The following ACAD11 variants were observed in gnomAD, a reference collection of about 807,000 sequenced individuals.
The protein encoded by ACAD11 is acyl-CoA dehydrogenase family member 11.
Under a neutral mutation model 102.2 loss-of-function variants are expected in ACAD11, and 83 were observed. The ratio of observed to expected loss-of-function variants is 0.81; its 90% confidence interval spans 0.68 to 0.97. The LOEUF (loss-of-function observed/expected upper bound fraction) is 0.97. ACAD11 is among the 50% of genes least tolerant of loss of function. ACAD11 has a pLI of 0.00. For missense variants in ACAD11, 901 were observed against 951.7 expected (o/e 0.95, Z 0.70); for synonymous variants, 324 against 319.8 (o/e 1.01, Z -0.14).
chr3:132,646,200 G>A (rs963468719), intron 1 of ACAD11, among the ~76,000 whole-genome samples: 1 of 152,276 alleles, frequency 6.6e-6, no homozygotes, highest in South Asian at 2.1e-4. Context: ...TCTTGACCTC[G>A]TGATCCGCCC....
At chr3:132,652,337 T>G (rs1183180438) in intron 1 of ACAD11, among the ~76,000 whole-genome samples, 1 of 152,220 alleles carries the variant, frequency 6.6e-6, no homozygotes, top group Non-Finnish European at 1.5e-5. Flanking sequence ...TCCCCAGCCA[T>G]GTGGAACTGT....
chr3:132,653,530 T>C (rs1375333898), intron 1 of ACAD11, among the ~76,000 whole-genome samples: 1 of 152,212 alleles, frequency 6.6e-6, no homozygotes, highest in Non-Finnish European at 1.5e-5. Flanking sequence ...TCTTCTAGAT[T>C]ACTGTCATCA....
chr3:132,631,952 T>C (rs1350125876), intron 5 of ACAD11, among the ~76,000 whole-genome samples: 3 of 152,360 alleles, frequency 2.0e-5, no homozygotes, highest in Non-Finnish European at 4.4e-5. Flanking sequence ...TAAAAGATAC[T>C]GTTAGTTTTA....
intron 1 of ACAD11, chr3:132,647,494 G>A (rs1162775986): frequency 6.6e-6 from 1 of 152,170 alleles, no homozygotes; most frequent in Non-Finnish European, 1.5e-5. Flanking sequence ...ACTTTAAACA[G>A]ACAATCTCAC....
At chr3:132,578,995 G>A in intron 14 of ACAD11, 114 bp from the exon 15 acceptor site, 1 of 1,539,074 alleles carries the variant, frequency 6.5e-7, no homozygotes, top group Non-Finnish European at 8.8e-7. Flanking sequence ...TGTAAGCAGT[G>A]ATGACTGGAA....
Position 132,639,508 on chromosome 3 carries a change from A to T in ACAD11, c.686T>A (p.Val229Asp). ...TAACTGTACCTCTTTAGGGTGGAAAACTATGTTATCTAGTCTGAAATCTCC... is the reference window on the plus strand; with the variant it reads ...TAACTGTACCTCTTTAGGGTGGAAATCTATGTTATCTAGTCTGAAATCTCC... ...IHGDFRLDNI[V>D]FHPKECRVIA... The change falls in exon 5 of 20, where the codon GTT (valine) becomes GAT (aspartate). Residue 229 changes from valine to aspartate, a missense_variant. By Grantham distance (152) the Val-to-Asp change is radical. Transcript: ENST00000264990. The T allele has an allele frequency of 6.2e-7, 1 of 1,613,318 alleles. No homozygotes were observed. Among genetic ancestry groups the T allele is most frequent in the Non-Finnish European group, 8.5e-7 (1 of 1,179,774 alleles).
intron 13 of ACAD11, among the ~76,000 whole-genome samples, chr3:132,586,526 G>T (rs1225745324): frequency 6.6e-6 from 1 of 151,448 alleles, no homozygotes; most frequent in East Asian, 1.9e-4. Context: ...TTGACCAAGA[G>T]ATGTCCCACT....
At chr3:132,604,714 G>A (rs1938762592) in intron 12 of ACAD11, among the ~76,000 whole-genome samples, 1 of 152,146 alleles carries the variant, frequency 6.6e-6, no homozygotes, top group South Asian at 2.1e-4. Context: ...TTATGGAAGA[G>A]TTGAATATTT....
intron 13 of ACAD11, among the ~76,000 whole-genome samples, chr3:132,589,832 C>A (rs1289513179): frequency 6.6e-6 from 1 of 152,130 alleles, no homozygotes; most frequent in African/African-American, 2.4e-5. Context: ...GCCCAGTACC[C>A]AATTGTTATC....
chr3:132,579,373 C>A lies in ACAD11; in HGVS notation c.1688+119G>T. 3.6e-6 allele frequency: 3 copies of A among 822,534 alleles called. No homozygotes were observed. The South Asian group carries it at 5.3e-5, about 15-fold the overall frequency. The allele number at this position is 822,534 out of a possible 1,614,324, so 51.0% of individuals were successfully genotyped here. On this transcript the variant is annotated intron_variant, in intron 14 of 19. Coordinates refer to ENST00000264990, the MANE Select transcript of ACAD11 (RefSeq NM_032169.5). ...GTGAAATACAAATATATGACATTTA[C>A]TCTCATATCTTACATTATGATTTGT...
rs773117686 is a variant in ACAD11 at position 132,605,118 on chromosome 3, G to T, written c.1502C>A (p.Thr501Asn). ...TTTACCTGTCATACAGAAGCAAGAG[G>T]TAATGTTCCCTTGAAGAAGAGGCTC... is the stretch of plus-strand genomic sequence containing the variant. Reference protein sequence around the residue: ...WLEPLLQGNITSCFCMTEPDV... With the variant: ...WLEPLLQGNINSCFCMTEPDV... Residue 501 changes from threonine to asparagine, a missense_variant, in exon 12 of 20, where the codon ACC becomes AAC. Transcript: ENST00000264990. 6.2e-7 allele frequency: 1 copy of T among 1,612,892 alleles called. No homozygotes were observed. Among genetic ancestry groups the T allele is most frequent in the Non-Finnish European group, 8.5e-7 (1 of 1,179,200 alleles).
intron 1 of ACAD11, among the ~76,000 whole-genome samples, chr3:132,653,253 C>G (rs1937618832): frequency 1.3e-5 from 2 of 152,188 alleles, no homozygotes; most frequent in African/African-American, 4.8e-5. Flanking sequence ...ACCTCAAACA[C>G]TTTCTTCTCC....
chr3:132,559,690 T>G, intron 19 of ACAD11, 143 bp downstream of exon 19: 1 of 622,462 alleles, frequency 1.6e-6, no homozygotes, highest in Non-Finnish European at 2.8e-6. Context: ...TTCTTGGTGT[T>G]GAGCTCTATA....
rs556232086 is a variant in ACAD11 at position 132,618,708 on chromosome 3, A to C, written c.1340T>G (p.Val447Gly). ...TTCTTCAGCAATCAAGGCATAGTCC[A>C]CGTGGCTGAGTCCGCTGACAGCTGG... ...FLPAVSGLSH[V>G]DYALIAEETG... Residue 447 changes from valine to glycine, a missense_variant, in exon 11 of 20, where the codon GTG becomes GGG. By Grantham distance (109) the Val-to-Gly change is moderately radical. Transcript: ENST00000264990. 1.8e-5 allele frequency: 29 copies of C among 1,605,280 alleles called. No homozygotes were observed. Among genetic ancestry groups the C allele is most frequent in the Non-Finnish European group, 2.1e-5 (25 of 1,176,474 alleles).
intron 17 of ACAD11, among the ~76,000 whole-genome samples, chr3:132,564,039 T>A (rs1576543763): frequency 6.6e-6 from 1 of 152,240 alleles, no homozygotes; most frequent in Non-Finnish European, 1.5e-5. Flanking sequence ...GTGATTTTTT[T>A]AATGTTCATG....
intron 9 of ACAD11, among the ~76,000 whole-genome samples, chr3:132,620,630 G>A (rs1227802086): frequency 1.3e-5 from 2 of 152,084 alleles, no homozygotes; most frequent in Non-Finnish European, 2.9e-5. Flanking sequence ...TAGATTTCAA[G>A]AATAAAGGAA....
chr3:132,590,642 CT>C (rs1938036743), intron 13 of ACAD11, among the ~76,000 whole-genome samples: 1 of 152,128 alleles, frequency 6.6e-6, no homozygotes, highest in African/African-American at 2.4e-5. Context: ...TTAAGTGTTC[CT>C]TTTTTTCTAC....
intron 9 of ACAD11, among the ~76,000 whole-genome samples, chr3:132,625,192 T>C (rs1253787679): frequency 6.6e-6 from 1 of 152,234 alleles, no homozygotes; most frequent in African/African-American, 2.4e-5. Context: ...TTACCACTTG[T>C]GCTACAGACT....
rs576098774 is a variant in ACAD11, at chr3:132,633,798, A to C, written c.703-2319T>G. On this transcript the variant is annotated intron_variant, in intron 5 of 19. Transcript: ENST00000264990. ...CTCTGACAAACCTGACAAAAACAAGAAATGGGGAAAGGATTCCCTATTTAA... is the reference window on the plus strand; with the variant it reads ...CTCTGACAAACCTGACAAAAACAAGCAATGGGGAAAGGATTCCCTATTTAA... Among the ~76,000 whole-genome samples the C allele has an allele frequency of 4.6e-3, 696 of 152,274 alleles. 8 individuals carry two copies. The highest frequency in any genetic ancestry group is 0.015 in the African/African-American group (615 of 41,550).
Sources: gnomAD v4.1 joint callset for allele counts (sites outside exome capture counted in the v4.1 genomes callset) on GRCh38, gnomAD v4.1.1 for gene constraint, MANE v1.5 for transcripts, NCBI Gene and HGNC (gene_info 2026-07-23, HGNC 2026-07-21) for gene names.